The following MYO1H variants were observed in gnomAD, a reference collection of about 807,000 sequenced individuals.
MYO1H encodes myosin IH.
Under a neutral mutation model 149.3 loss-of-function variants are expected in MYO1H, and 118 were observed. The ratio of observed to expected loss-of-function variants is 0.79; its 90% CI spans 0.68 to 0.92. The LOEUF (loss-of-function observed/expected upper bound fraction) is 0.92. Ranked by LOEUF, MYO1H falls within the 40% of genes least tolerant of loss-of-function variation. The probability of loss-of-function intolerance (pLI) is 0.00; values close to 1 mark genes in which losing one functional copy is unlikely to be tolerated. For missense variants in MYO1H, 1,212 were observed against 1,280.7 expected (o/e 0.95, Z 0.82); for synonymous variants, 447 against 465.2 (o/e 0.96, Z 0.50).
chr12:109,416,871 G>A (rs1330812450), intron 15 of MYO1H, among the ~76,000 whole-genome samples: 1 of 152,178 alleles, frequency 6.6e-6, no homozygotes, highest in African/African-American at 2.4e-5. Flanking sequence ...GCCGGGCGTG[G>A]TGGCACATGC....
At chr12:109,403,160 C>T (rs114015874) in intron 6 of MYO1H, among the ~76,000 whole-genome samples, 5,855 of 152,194 alleles carry the variant, frequency 0.038, 123 homozygotes, top group Middle Eastern at 0.054. Context: ...GCTGGTTGTG[C>T]GGGAAGGTTT....
intron 1 of MYO1H, among the ~76,000 whole-genome samples, chr12:109,377,582 C>T (rs770554557): frequency 4.6e-5 from 7 of 152,202 alleles, no homozygotes; most frequent in African/African-American, 7.2e-5. Context: ...TGGAAACAAA[C>T]CATACCCAAA....
chr12:109,342,126 C>CTTTTT, the MYO1H span, among the ~76,000 whole-genome samples: 56 of 126,050 alleles, frequency 4.4e-4, 1 homozygote, highest in African/African-American at 1.5e-3. Context: ...AAATTTGATT[C>CTTTTT]TTTTTTTTTT....
chr12:109,447,487 G>GT, exon 32 of MYO1H: 1 of 494,858 alleles, frequency 2.0e-6, no homozygotes, highest in Non-Finnish European at 3.7e-6. Flanking sequence ...TCATTAGAGG[G>GT]TGGGCAAGAT....
intron 19 of MYO1H, among the ~76,000 whole-genome samples, chr12:109,427,909 A>ATATATATATAT (rs1201603491): frequency 6.1e-5 from 1 of 16,422 alleles, no homozygotes; most frequent in Non-Finnish European, 1.0e-4. Flanking sequence ...AAAAAAAAAA[A>ATATATATATAT]ATATATATAT....
At chr12:109,403,940 CT>C (rs1270571581) in intron 6 of MYO1H, 41 bp from the exon 7 acceptor site, 2 of 1,363,356 alleles carry the variant, frequency 1.5e-6, no homozygotes, top group East Asian at 4.6e-5. Flanking sequence ...TTAATTGCCC[CT>C]ATAAAAATGA....
At chr12:109,364,759 A>G (rs1868832480) in intron 1 of MYO1H, among the ~76,000 whole-genome samples, 1 of 152,214 alleles carries the variant, frequency 6.6e-6, no homozygotes, top group South Asian at 2.1e-4. Flanking sequence ...AAGGAATAGC[A>G]ATACATTTTT....
chr12:109,366,034 G>C (rs1868858912), intron 1 of MYO1H, among the ~76,000 whole-genome samples: 1 of 152,168 alleles, frequency 6.6e-6, no homozygotes, highest in Non-Finnish European at 1.5e-5. Flanking sequence ...CTAACGCCTG[G>C]TGATCTCAGG....
the MYO1H span, among the ~76,000 whole-genome samples, chr12:109,334,099 C>A: frequency 1.8e-4 from 27 of 152,258 alleles, no homozygotes; most frequent in African/African-American, 6.3e-4. Context: ...TCACTGCAAC[C>A]TCCACCTCCT....
intron 1 of MYO1H, among the ~76,000 whole-genome samples, chr12:109,386,351 A>G (rs1869307755): frequency 6.6e-6 from 1 of 152,140 alleles, no homozygotes; most frequent in African/African-American, 2.4e-5. Flanking sequence ...ATATGTTTAC[A>G]TTTCTCTTGT....
At chr12:109,389,843 G>A (rs188201613) in intron 2 of MYO1H, among the ~76,000 whole-genome samples, 2 of 152,252 alleles carry the variant, frequency 1.3e-5, no homozygotes, top group East Asian at 3.9e-4. Flanking sequence ...TTGTAATGCT[G>A]CTCGTGACTT....
In MYO1H at chr12:109,441,693, G is replaced by A. The variant is rs375152654; in HGVS notation, c.2617G>A (p.Val873Ile). 14 of 1,611,444 alleles carry A rather than the reference G, an allele frequency of 8.7e-6. No individual in the cohort carries two copies. The African/African-American group carries it at 1.5e-4, about 17-fold the overall frequency. Residue 873 changes from valine (V) to isoleucine (I), a missense_variant, in exon 26 of 32, where the codon GTC (valine) becomes ATC (isoleucine). Coordinates refer to ENST00000310903, the Ensembl canonical transcript of MYO1H. ...CACAGAAAGTTTAAATCAACCCTTT[G>A]TCAACAGTCGGATAGGTAAGTACAT...
At chr12:109,376,064 A>G (rs138509116) in intron 1 of MYO1H, among the ~76,000 whole-genome samples, 6 of 152,324 alleles carry the variant, frequency 3.9e-5, no homozygotes, top group African/African-American at 1.4e-4. Context: ...AAAGCTTTAT[A>G]GTTTTGCCTT....
the MYO1H span, among the ~76,000 whole-genome samples, chr12:109,316,886 A>G: frequency 6.6e-6 from 1 of 152,188 alleles, no homozygotes; most frequent in Non-Finnish European, 1.5e-5. Flanking sequence ...AAGTGCATAT[A>G]TAGAAATGTT....
At position 109,361,813 on chromosome 12, in the gene MYO1H, CAAAAAAAAAA is replaced by C. The variant is rs35915417; in HGVS notation, c.12+13859_12+13868del. ...GGTGACAGAGCAAGACCTTGTCTCA[CAAAAAAAAAA>C]AAAAAAAAAAAAAAAAAGAAGAACC... is the stretch of plus-strand genomic sequence containing the variant. On this transcript the variant is annotated intron_variant, in intron 1 of 31. Coordinates refer to ENST00000310903, the Ensembl canonical transcript of MYO1H. Among the ~76,000 whole-genome samples the C allele has an allele frequency of 9.3e-4, 53 of 56,876 alleles. No individual in the cohort carries two copies. In the South Asian group the frequency reaches 0.029, roughly 31 times the overall value. 37.3% of individuals were successfully genotyped at this position (56,876 alleles called of 152,430 possible). A position where few individuals can be genotyped will look rare whatever the true frequency, so the allele number is the denominator to read the frequency against.
chr12:109,395,777 T>C (rs1181975975), intron 3 of MYO1H, among the ~76,000 whole-genome samples: 1 of 152,142 alleles, frequency 6.6e-6, no homozygotes, highest in Non-Finnish European at 1.5e-5. Flanking sequence ...TTAGCTCTTC[T>C]ACTATTTGAG....
rs541289093 is a variant in MYO1H, at chr12:109,358,846, T to TAAAAAAAAAA, written c.12+10889_12+10898dup. ...TTCTGGGGGAAGCATCCTGTGGTGT[T>TAAAAAAAAAA]AAAAAAAAAAAAAAAAAAAAAAAAG... On this transcript the variant is annotated intron_variant, in intron 1 of 31. Coordinates refer to ENST00000310903, the Ensembl canonical transcript of MYO1H. 7.8e-4 allele frequency among the ~76,000 whole-genome samples: 66 copies of TAAAAAAAAAA among 84,536 alleles called. 4 individuals are homozygous for TAAAAAAAAAA. The highest frequency in any genetic ancestry group is 3.6e-3 in the African/African-American group (64 of 17,860). The allele number at this position is 84,536 out of a possible 152,430, so 55.5% of individuals were successfully genotyped here. A position where few individuals can be genotyped will look rare whatever the true frequency, so the allele number is the denominator to read the frequency against.
At chr12:109,443,154 G>A (rs866374435) in intron 27 of MYO1H, among the ~76,000 whole-genome samples, 4,006 of 52,212 alleles carry the variant, frequency 0.077, 980 homozygotes, top group Admixed American at 0.12. Flanking sequence ...GTGTACGTAT[G>A]TGTGTGTATA....
At chr12:109,424,897 G>A (rs1871301883) in intron 17 of MYO1H, 69 bp downstream of exon 17, 3 of 1,187,600 alleles carry the variant, frequency 2.5e-6, no homozygotes, top group Non-Finnish European at 3.7e-6. Flanking sequence ...AACTACCTAC[G>A]CTTTTTAAGC....
Sources: gnomAD v4.1 joint callset for allele counts (sites outside exome capture counted in the v4.1 genomes callset) on GRCh38, gnomAD v4.1.1 for gene constraint, MANE v1.5 for transcripts, NCBI Gene and HGNC (gene_info 2026-07-23, HGNC 2026-07-21) for gene names.